The following PARVA variants were observed in gnomAD, a reference collection of about 807,000 sequenced individuals.
PARVA encodes alpha-parvin.
A neutral mutation model predicts 52.6 loss-of-function variants in PARVA; 25 were observed. The ratio of observed to expected loss-of-function variants is 0.48; its 90% CI spans 0.35 to 0.66. The LOEUF (loss-of-function observed/expected upper bound fraction) is 0.66, where lower values mean the gene tolerates loss of function less well. Among genes scored for constraint, PARVA ranks in the 30% least tolerant of loss-of-function variants. The pLI is 0.01. For synonymous variants in PARVA, 185 were observed against 179.1 expected (o/e 1.03, Z -0.26); for missense variants, 373 against 450.9 (o/e 0.83, Z 1.56).
At position 12,473,975 on chromosome 11, in the gene PARVA, C is replaced by G; in HGVS notation, c.289C>G (p.Leu97Val). 1 of 1,575,754 alleles carries G rather than the reference C, an allele frequency of 6.3e-7. No homozygotes were observed. Among genetic ancestry groups the G allele is most frequent in the Non-Finnish European group, 8.6e-7 (1 of 1,160,616 alleles). The stretch of plus-strand genomic sequence containing the variant: ...ACGCAGTGACCCCAAGCTTCAAGAA[C>G]TGATGAAGGTAAGAAGAAATCAGGA... ...NSRSDPKLQELMKVLIDWIND... is the reference protein window; with the variant it reads ...NSRSDPKLQEVMKVLIDWIND... The change falls in exon 3 of 13, where the codon CTG becomes GTG. Residue 97 changes from leucine to valine, a missense_variant. Transcript: ENST00000334956.
chr11:12,518,101 T>G (rs1941593208), intron 11 of PARVA, among the ~76,000 whole-genome samples: 1 of 147,804 alleles, frequency 6.8e-6, no homozygotes, highest in Non-Finnish European at 1.5e-5. Context: ...ACAAAGGCAT[T>G]TGACCAGAAA....
intron 7 of PARVA, among the ~76,000 whole-genome samples, chr11:12,509,732 G>A (rs1392013839): frequency 6.6e-6 from 1 of 152,182 alleles, no homozygotes; most frequent in Non-Finnish European, 1.5e-5. Context: ...CCATCAAGCA[G>A]CCTCTGTATC....
In PARVA at chr11:12,459,475, T is replaced by C. The variant is rs114402117; in HGVS notation, c.137-14270T>C. On this transcript the variant is annotated intron_variant, in intron 1 of 12. Coordinates refer to ENST00000334956, the MANE Select transcript of PARVA (RefSeq NM_018222.5). The stretch of plus-strand genomic sequence containing the variant: ...AATAGCGTGTGCCCTAACTCTCATA[T>C]AGAACTGTGCACGAGTTCCCAGAGG... Among the ~76,000 whole-genome samples, 771 of 152,138 alleles carry C rather than the reference T, an allele frequency of 5.1e-3. 11 individuals are homozygous for C. The highest frequency in any genetic ancestry group is 0.018 in the African/African-American group (730 of 41,506).
At chr11:12,456,121 A>G (rs1438086174) in intron 1 of PARVA, among the ~76,000 whole-genome samples, 1 of 152,180 alleles carries the variant, frequency 6.6e-6, no homozygotes, top group African/African-American at 2.4e-5. Flanking sequence ...AGTCATTCTT[A>G]TTCCACTAGG....
chr11:12,380,196 C>T (rs1304124697), intron 1 of PARVA, among the ~76,000 whole-genome samples: 2 of 151,302 alleles, frequency 1.3e-5, no homozygotes, highest in African/African-American at 4.9e-5. Flanking sequence ...AAAAGAAGGC[C>T]AATTTAGTTG....
At chr11:12,458,477 T>C (rs1940728216) in intron 1 of PARVA, among the ~76,000 whole-genome samples, 1 of 152,246 alleles carries the variant, frequency 6.6e-6, no homozygotes, top group South Asian at 2.1e-4. Flanking sequence ...TAGTGTCATA[T>C]ATGAGGAACA....
In PARVA at chr11:12,400,176, C is replaced by G. The variant is rs1019329380; in HGVS notation, c.136+22393C>G. ...AAAAGGGATGTGCCAACATATGTTC[C>G]CAGCCGTAGTCTATGAGAGTGCCTA... is the stretch of plus-strand genomic sequence containing the variant. On this transcript the variant is annotated intron_variant, in intron 1 of 12. Coordinates refer to ENST00000334956, the MANE Select transcript of PARVA (RefSeq NM_018222.5). Among the ~76,000 whole-genome samples, 4 of 152,126 alleles carry G rather than the reference C, an allele frequency of 2.6e-5. No homozygotes were observed. In the South Asian group the frequency reaches 8.3e-4, roughly 32 times the overall value.
At chr11:12,441,021 T>C (rs1940459260) in intron 1 of PARVA, among the ~76,000 whole-genome samples, 1 of 152,170 alleles carries the variant, frequency 6.6e-6, no homozygotes, top group Admixed American at 6.5e-5. Context: ...AGTCCCAGGA[T>C]TGGAGCAGGA....
chr11:12,463,674 T>C (rs11827392), intron 1 of PARVA, among the ~76,000 whole-genome samples: 5,035 of 152,288 alleles, frequency 0.033, 306 homozygotes, highest in African/African-American at 0.11. Flanking sequence ...AGGAAGTCAC[T>C]AGACGCAGCC....
chr11:12,470,776 G>C (rs762301709), intron 1 of PARVA, among the ~76,000 whole-genome samples: 1 of 152,202 alleles, frequency 6.6e-6, no homozygotes, highest in South Asian at 2.1e-4. Flanking sequence ...ACCTGAGTAT[G>C]ATGGGAAGTC....
At chr11:12,392,211 A>G (rs1270840557) in intron 1 of PARVA, among the ~76,000 whole-genome samples, 1 of 151,552 alleles carries the variant, frequency 6.6e-6, no homozygotes, top group African/African-American at 2.4e-5. Context: ...TTTTACACTT[A>G]GCATAATATT....
At chr11:12,387,973 C>T (rs1358238920) in intron 1 of PARVA, among the ~76,000 whole-genome samples, 2 of 152,116 alleles carry the variant, frequency 1.3e-5, no homozygotes, top group African/African-American at 4.8e-5. Context: ...TCCCTTAATT[C>T]CCCAAAGTCT....
chr11:12,526,285 C>G (rs573244257), intron 12 of PARVA, among the ~76,000 whole-genome samples: 1 of 152,242 alleles, frequency 6.6e-6, no homozygotes, highest in Admixed American at 6.5e-5. Context: ...GCTCCCCACT[C>G]TGCCTACTCT....
chr11:12,508,111 A>AC (rs1439706681), intron 6 of PARVA, among the ~76,000 whole-genome samples: 3 of 128,234 alleles, frequency 2.3e-5, no homozygotes, highest in African/African-American at 6.8e-5. Flanking sequence ...AAAAAAAAAA[A>AC]AAAAAAAAAA....
At chr11:12,517,414 G>A (rs1345267670) in intron 10 of PARVA, among the ~76,000 whole-genome samples, 196 bp from the exon 11 acceptor site, 1 of 151,566 alleles carries the variant, frequency 6.6e-6, no homozygotes, top group Non-Finnish European at 1.5e-5. Flanking sequence ...CAGGGCCTGG[G>A]CTTGTGGCTC....
intron 1 of PARVA, among the ~76,000 whole-genome samples, chr11:12,439,868 C>G (rs1254734294): frequency 1.3e-5 from 2 of 152,204 alleles, no homozygotes; most frequent in Admixed American, 6.5e-5. Flanking sequence ...TTCACTCCAG[C>G]CTCTGTTCAA....
At chr11:12,388,974 A>G (rs930512377) in intron 1 of PARVA, among the ~76,000 whole-genome samples, 1 of 152,122 alleles carries the variant, frequency 6.6e-6, no homozygotes, top group Non-Finnish European at 1.5e-5. Flanking sequence ...GAGTGTGATA[A>G]TTAGCTTATC....
chr11:12,451,769 G>T (rs1013913497), intron 1 of PARVA, among the ~76,000 whole-genome samples: 1 of 152,150 alleles, frequency 6.6e-6, no homozygotes, highest in Non-Finnish European at 1.5e-5. Flanking sequence ...TGTGCAAGAG[G>T]CTCAGCCTAA....
intron 10 of PARVA, 83 bp from the exon 11 acceptor site, chr11:12,517,527 T>A: frequency 9.8e-7 from 1 of 1,018,898 alleles, no homozygotes; most frequent in Non-Finnish European, 1.5e-6. Flanking sequence ...TCAGGTGGCA[T>A]AGCACAGAAG....
Sources: allele counts gnomAD v4.1 joint callset (sites outside exome capture counted in the v4.1 genomes callset), GRCh38; gene constraint gnomAD v4.1.1; transcripts MANE v1.5; gene names NCBI Gene and HGNC (gene_info 2026-07-23, HGNC 2026-07-21).